BDP1: variants seen among roughly 807,000 people sequenced by gnomAD.
BDP1 encodes the protein transcription factor TFIIIB component B'' homolog.
In BDP1, 169 loss-of-function variants were observed where a neutral mutation model predicts 266.6. The observed-to-expected ratio is 0.63, with a 90% CI of 0.56 to 0.72. The LOEUF (loss-of-function observed/expected upper bound fraction) is 0.72, where lower values mean the gene tolerates loss of function less well. BDP1 is among the 30% of genes least tolerant of loss of function. The pLI is 0.00. For synonymous variants in BDP1, 1,090 were observed against 1,022.4 expected (o/e 1.07, Z -1.26); for missense variants, 3,015 against 3,053.8 (o/e 0.99, Z 0.30).
downstream of BDP1, among the ~76,000 whole-genome samples, chr5:71,572,421 A>T (rs1744295930): frequency 6.6e-6 from 1 of 152,210 alleles, no homozygotes; most frequent in Admixed American, 6.5e-5. Context: ...TGAATGAAGA[A>T]TGTCTGCTAG....
At position 71,510,226 on chromosome 5, in the gene BDP1, C is replaced by A. The variant is rs1764829029; in HGVS notation, c.3134C>A (p.Ser1045Tyr). 1.9e-6 allele frequency: 3 copies of A among 1,612,388 alleles called. No individual in the cohort carries two copies. Among genetic ancestry groups the A allele is most frequent in the Middle Eastern group, 3.3e-4 (2 of 6,054 alleles). ...TTGGAAGAAACTGAAAGAGAAGTAT[C>A]CCCACAGGAAAATGGACTAGAGGAG... is the stretch of plus-strand genomic sequence containing the variant. ...IDLEETEREVSPQENGLEEVK... is the reference protein window; with the variant it reads ...IDLEETEREVYPQENGLEEVK... Residue 1045 changes from serine to tyrosine, a missense_variant, in exon 17 of 39, where the codon TCC becomes TAC. By Grantham distance (144) the Ser-to-Tyr change is moderately radical. Around this residue, in one of 3 missense-constraint regions of BDP1, gnomAD observed 2,383 missense variants for 2,404.9 expected, o/e 0.99. Transcript: ENST00000358731.
intron 32 of BDP1, 122 bp from the exon 33 acceptor site, chr5:71,548,560 G>C: frequency 1.5e-6 from 1 of 650,504 alleles, no homozygotes; most frequent in African/African-American, 1.8e-5. Flanking sequence ...TCAAACACTT[G>C]AAAACTGTAT....
rs1262484606 is a variant in BDP1 at position 71,511,038 on chromosome 5, A to T, written c.3946A>T (p.Ile1316Phe). 1 of 1,614,046 alleles carries T rather than the reference A, an allele frequency of 6.2e-7. No homozygotes were observed. The highest frequency in any genetic ancestry group is 2.2e-5 in the East Asian group (1 of 44,894). Residue 1316 changes from isoleucine to phenylalanine, a missense_variant, in exon 17 of 39, where the codon ATT (isoleucine) becomes TTT (phenylalanine). Ile to Phe is a conservative substitution (Grantham distance 21). This residue lies in a region of BDP1 where 2,383 missense variants were observed against 2,404.9 expected (regional missense o/e 0.99). Coordinates refer to ENST00000358731, the MANE Select transcript of BDP1 (RefSeq NM_018429.3). ...AELKQTGKTD[I>F]SPRENELEET... ...ATTGAAACAAACTGGAAAAACAGACATTTCTCCAAGGGAAAACGAGCTAGA... is the reference window on the plus strand; with the variant it reads ...ATTGAAACAAACTGGAAAAACAGACTTTTCTCCAAGGGAAAACGAGCTAGA...
intron 7 of BDP1, among the ~76,000 whole-genome samples, chr5:71,470,960 A>G (rs1325186046): frequency 4.0e-5 from 6 of 150,432 alleles, no homozygotes; most frequent in Admixed American, 3.3e-4. Context: ...AGTAATATTT[A>G]TCAGTTCTGA....
Position 71,510,430 on chromosome 5 carries a change from A to G in BDP1, c.3338A>G (p.Glu1113Gly). ...NGLEEVKPLG[E>G]MQTDLKATGR... ...CTAGAGGAGGTTAAGCCTCTAGGTG[A>G]AATGCAAACAGATTTGAAAGCAACC... Residue 1113 changes from glutamate (E) to glycine (G), a missense_variant, in exon 17 of 39, where the codon GAA becomes GGA. Transcript: ENST00000358731. The G allele has an allele frequency of 6.2e-7, 1 of 1,614,002 alleles. No individual in the cohort carries two copies. The highest frequency in any genetic ancestry group is 8.5e-7 in the Non-Finnish European group (1 of 1,179,948).
At chr5:71,537,149 CAAAA>C (rs70992979) in intron 26 of BDP1, among the ~76,000 whole-genome samples, 2 of 82,448 alleles carry the variant, frequency 2.4e-5, no homozygotes, top group Non-Finnish European at 4.3e-5. Flanking sequence ...ACCAAAAAAC[CAAAA>C]AAAAAAAAAA....
rs147566053 is a variant in BDP1, at chr5:71,562,095, G to C, written c.7497-179G>C. ...CCGTCTCTACTACAGCTACTTGGGA[G>C]GCTGAAGCAGGAGAATCTCTTGAAC... On this transcript the variant is annotated intron_variant, in intron 37 of 38. Transcript: ENST00000358731. Among the ~76,000 whole-genome samples the C allele has an allele frequency of 0.015, 2,326 of 151,262 alleles. 72 individuals are homozygous for C. Among genetic ancestry groups the C allele is most frequent in the African/African-American group, 0.054 (2,203 of 41,148 alleles).
Position 71,480,257 on chromosome 5 carries a change from C to T in BDP1, c.1015-3585C>T, listed in dbSNP as rs186731552. ...TCCCAAGTAGCTGGGACTACAGGCG[C>T]GCACCACCATGCCCAGCTAATTTTT... On this transcript the variant is annotated intron_variant, in intron 7 of 38. Transcript: ENST00000358731. Among the ~76,000 whole-genome samples, 1,273 of 148,484 alleles carry T rather than the reference C, an allele frequency of 8.6e-3. 8 individuals carry two copies. The highest frequency in any genetic ancestry group is 0.011 in the Non-Finnish European group (763 of 67,344).
chr5:71,550,798 C>T (rs892435613), intron 34 of BDP1, among the ~76,000 whole-genome samples: 5 of 152,132 alleles, frequency 3.3e-5, no homozygotes, highest in African/African-American at 1.2e-4. Flanking sequence ...CTCCACCTCC[C>T]GGGTTCAAGT....
At chr5:71,555,344 A>T (rs990239736) in intron 35 of BDP1, among the ~76,000 whole-genome samples, 1 of 151,920 alleles carries the variant, frequency 6.6e-6, no homozygotes, top group Admixed American at 6.6e-5. Context: ...ATTTGTTTGG[A>T]TATATTCCTA....
At chr5:71,521,048 C>T (rs1229156093) in intron 22 of BDP1, among the ~76,000 whole-genome samples, 3 of 151,570 alleles carry the variant, frequency 2.0e-5, no homozygotes, top group South Asian at 2.1e-4. Context: ...ATTAGCCAGC[C>T]GTGGTGGCGC....
intron 36 of BDP1, among the ~76,000 whole-genome samples, chr5:71,558,228 T>C (rs985534253): frequency 4.0e-5 from 6 of 151,210 alleles, no homozygotes; most frequent in Non-Finnish European, 8.8e-5. Flanking sequence ...ATGATGGTTC[T>C]GGTTCTTTAA....
rs192477574 is a variant in BDP1 at position 71,469,471 on chromosome 5, A to G, written c.920-924A>G. On this transcript the variant is annotated intron_variant, in intron 6 of 38. Coordinates refer to ENST00000358731, the MANE Select transcript of BDP1 (RefSeq NM_018429.3). ...GTATTTTTCTAGCTACTTTCTTTAT[A>G]TACTACTTAGCACATCTTAGTTGCC... is the stretch of plus-strand genomic sequence containing the variant. Among the ~76,000 whole-genome samples the G allele has an allele frequency of 3.8e-4, 58 of 152,154 alleles. No individual in the cohort carries two copies. In the East Asian group the frequency reaches 6.4e-3, roughly 17 times the overall value.
chr5:71,545,208 C>T lies in BDP1; in HGVS notation c.6733C>T (p.Pro2245Ser). 5 of 1,612,902 alleles carry T rather than the reference C, an allele frequency of 3.1e-6. No individual in the cohort carries two copies. Among genetic ancestry groups the T allele is most frequent in the Non-Finnish European group, 4.2e-6 (5 of 1,179,712 alleles). The change falls in exon 32 of 39, where the codon CCT becomes TCT. Residue 2245 changes from proline (P) to serine (S), a missense_variant. Around this residue, in one of 3 missense-constraint regions of BDP1, gnomAD observed 629 missense variants for 632.5 expected, o/e 0.99. Coordinates refer to ENST00000358731, the MANE Select transcript of BDP1 (RefSeq NM_018429.3). ...TAAAGGAGACAGTGTGCTTACACTT[C>T]CTGTGCCAGAGGTAAAAGAATGTAC... ...DSKGDSVLTLPVPEYTPTSIP... is the reference protein window; with the variant it reads ...DSKGDSVLTLSVPEYTPTSIP...
At chr5:71,522,233 A>G (rs1765530427) in intron 22 of BDP1, 56 bp from the exon 23 acceptor site, 1 of 1,404,380 alleles carries the variant, frequency 7.1e-7, no homozygotes, top group South Asian at 1.2e-5. Flanking sequence ...AACAGCTGTT[A>G]TATCAACAAG....
intron 37 of BDP1, 96 bp downstream of exon 37, chr5:71,560,333 T>C: frequency 7.8e-7 from 1 of 1,279,882 alleles, no homozygotes; most frequent in African/African-American, 1.5e-5. Context: ...GGATGGTGTT[T>C]AATAAACATA....
intron 7 of BDP1, among the ~76,000 whole-genome samples, chr5:71,472,922 T>TCTCA (rs920801948): frequency 1.6e-5 from 2 of 126,362 alleles, no homozygotes; most frequent in African/African-American, 5.8e-5. Flanking sequence ...GGAGACAGGG[T>TCTCA]CTCACTCTGT....
intron 19 of BDP1, among the ~76,000 whole-genome samples, chr5:71,513,813 A>G (rs2652615): frequency 0.48 from 73,184 of 151,826 alleles, 17,928 homozygotes; most frequent in South Asian, 0.55. Flanking sequence ...TCCACCTCCC[A>G]GGTTCAAGCG....
At chr5:71,562,671 A>G in intron 38 of BDP1, 151 bp downstream of exon 38, 1 of 1,472,860 alleles carries the variant, frequency 6.8e-7, no homozygotes, top group Non-Finnish European at 9.2e-7. Flanking sequence ...GTTCCTCCAT[A>G]ATGGAAGAAG....
Sources: gnomAD v4.1 joint callset for allele counts (sites outside exome capture counted in the v4.1 genomes callset) on GRCh38, gnomAD v4.1.1 for gene constraint, gnomAD v4.1.1 regional missense constraint, MANE v1.5 for transcripts, NCBI Gene and HGNC (gene_info 2026-07-23, HGNC 2026-07-21) for gene names.